Variants in DENND1A observed in about 807,000 individuals in gnomAD.
The protein encoded by DENND1A is DENN domain-containing protein 1A.
DENND1A carries 51 observed loss-of-function variants against 113.7 expected under a neutral mutation model. The observed-to-expected ratio is 0.45, with a 90% CI of 0.36 to 0.57. The LOEUF (loss-of-function observed/expected upper bound fraction) is 0.57, where lower values mean the gene tolerates loss of function less well. DENND1A is among the 20% of genes least tolerant of loss of function. DENND1A has a pLI of 0.00. For synonymous variants in DENND1A, 565 were observed against 570.8 expected, an observed-to-expected ratio of 0.99 and a Z score of 0.14; for missense variants, 1,258 against 1,395.9, an observed-to-expected ratio of 0.90 and a Z score of 1.57.
chr9:123,588,633 A>AAGGGGG (rs1554894950), intron 11 of DENND1A, among the ~76,000 whole-genome samples: 1 of 86,446 alleles, frequency 1.2e-5, no homozygotes, highest in Non-Finnish European at 2.3e-5. Flanking sequence ...AAAAAAAAAA[A>AAGGGGG]GGGGGGGGGG....
chr9:123,548,063 T>A (rs1307513868), intron 13 of DENND1A, among the ~76,000 whole-genome samples: 1 of 152,160 alleles, frequency 6.6e-6, no homozygotes, highest in Non-Finnish European at 1.5e-5. Context: ...TTCTAGTAGA[T>A]GACAGAACTA....
At chr9:123,612,385 C>G (rs1706053463) in intron 10 of DENND1A, among the ~76,000 whole-genome samples, 1 of 152,124 alleles carries the variant, frequency 6.6e-6, no homozygotes, top group African/African-American at 2.4e-5. Flanking sequence ...TCTTCTTTGT[C>G]TTTTTATTTT....
rs576512737 is a variant in DENND1A at position 123,490,246 on chromosome 9, T to C, written c.994-32349A>G. 3.9e-5 allele frequency among the ~76,000 whole-genome samples: 6 copies of C among 152,220 alleles called. 1 individual carries two copies. In the South Asian group the frequency reaches 1.0e-3, roughly 26 times the overall value. ...ATGCGACCCACTACATTCACAGAAG[T>C]AGAAAATCCTGAGCTGTACTCAAGT... On this transcript the variant is annotated intron_variant, in intron 13 of 23. Coordinates refer to ENST00000394215, the MANE Select transcript of DENND1A (RefSeq NM_001352964.2).
At chr9:123,506,530 C>G (rs1331497502) in intron 13 of DENND1A, among the ~76,000 whole-genome samples, 1 of 118,060 alleles carries the variant, frequency 8.5e-6, no homozygotes, top group East Asian at 2.7e-4. Flanking sequence ...TGCAGTGAGC[C>G]GAGATCGTGC....
intron 1 of DENND1A, among the ~76,000 whole-genome samples, chr9:123,884,939 T>C (rs1848798238): frequency 1.3e-5 from 2 of 152,012 alleles, no homozygotes; most frequent in Admixed American, 6.6e-5. Flanking sequence ...TCCTCTTCTC[T>C]AGGAAGTATT....
chr9:123,536,395 G>A lies in DENND1A; in HGVS notation c.993+21175C>T, dbSNP rs145129331. On this transcript the variant is annotated intron_variant, in intron 13 of 23. Transcript: ENST00000394215. Reference sequence around the variant, plus strand: ...TGAGGCAGGAGAATTGCTTGAACCCGGGAGGCAGAAGTTGCAGTGAGCTAA... The same window carrying A: ...TGAGGCAGGAGAATTGCTTGAACCCAGGAGGCAGAAGTTGCAGTGAGCTAA... 5.3e-5 allele frequency among the ~76,000 whole-genome samples: 8 copies of A among 151,708 alleles called. No homozygotes were observed. The East Asian group carries it at 9.7e-4, about 18-fold the overall frequency.
chr9:123,491,581 AAAG>A (rs1219236541), intron 13 of DENND1A, among the ~76,000 whole-genome samples: 5 of 152,288 alleles, frequency 3.3e-5, no homozygotes, highest in Admixed American at 2.6e-4. Context: ...TAGTCAACAG[AAAG>A]AAGAAGAAGG....
intron 13 of DENND1A, among the ~76,000 whole-genome samples, chr9:123,515,027 AC>A (rs2053785480): frequency 6.6e-6 from 1 of 152,210 alleles, no homozygotes; most frequent in African/African-American, 2.4e-5. Flanking sequence ...AGGCTACAAG[AC>A]AACTGGTCTG....
chr9:123,547,267 C>T (rs1197568875), intron 13 of DENND1A, among the ~76,000 whole-genome samples: 8 of 152,356 alleles, frequency 5.3e-5, no homozygotes, highest in East Asian at 3.9e-4. Flanking sequence ...TGGTGGCTCA[C>T]GCCTGTAATC....
In DENND1A at chr9:123,382,014, G is replaced by A. The variant is rs568745567; in HGVS notation, c.2631C>T (p.Ser877=). The change falls in exon 24 of 24, where the codon AGC becomes AGT. Residue 877 remains serine, a synonymous_variant. Coordinates refer to ENST00000394215, the MANE Select transcript of DENND1A (RefSeq NM_001352964.2). ...NVATPFTPQF[S]FPPAGTPTPF... ...GGGTGGGTGTCCCTGCAGGGGGGAA[G>A]CTGAATTGGGGGGTGAATGGGGTGG... The A allele has an allele frequency of 1.4e-6, 2 of 1,468,764 alleles. No homozygotes were observed. Among genetic ancestry groups the A allele is most frequent in the South Asian group, 2.8e-5 (2 of 70,348 alleles). 91.0% of individuals were successfully genotyped at this position (1,468,764 alleles called of 1,614,324 possible). A position where few individuals can be genotyped will look rare whatever the true frequency, so the allele number is the denominator to read the frequency against.
intron 1 of DENND1A, among the ~76,000 whole-genome samples, chr9:123,927,501 C>T (rs1004408019): frequency 6.6e-6 from 1 of 152,162 alleles, no homozygotes; most frequent in African/African-American, 2.4e-5. Context: ...GAGTTTTTAA[C>T]ATGGACCTGA....
At chr9:123,677,397 A>T (rs1466121004) in intron 5 of DENND1A, among the ~76,000 whole-genome samples, 1 of 152,122 alleles carries the variant, frequency 6.6e-6, no homozygotes, top group Admixed American at 6.5e-5. Context: ...TGCTGACCTC[A>T]GTCCTGTGGT....
intron 5 of DENND1A, among the ~76,000 whole-genome samples, chr9:123,712,472 T>A (rs1252323595): frequency 6.6e-6 from 1 of 152,246 alleles, no homozygotes; most frequent in Admixed American, 6.5e-5. Context: ...AAACTGGAGA[T>A]AACAGTAGTA....
chr9:123,547,397 C>T (rs964246635), intron 13 of DENND1A, among the ~76,000 whole-genome samples: 5 of 152,216 alleles, frequency 3.3e-5, no homozygotes, highest in East Asian at 1.9e-4. Flanking sequence ...GGCATGGTGG[C>T]GCATGCCTGT....
intron 13 of DENND1A, among the ~76,000 whole-genome samples, chr9:123,551,902 C>A (rs966735795): frequency 4.6e-5 from 7 of 150,934 alleles, no homozygotes; most frequent in African/African-American, 1.7e-4. Context: ...CCCCTTCCTT[C>A]TTCCTTCTGG....
intron 2 of DENND1A, among the ~76,000 whole-genome samples, chr9:123,798,821 CTTAAAT>C (rs1834172872): frequency 6.7e-6 from 1 of 149,012 alleles, no homozygotes; most frequent in South Asian, 2.1e-4. Flanking sequence ...TTCATTATTA[CTTAAAT>C]TTAAATATTT....
intron 3 of DENND1A, among the ~76,000 whole-genome samples, chr9:123,774,166 AT>A (rs2131703217): frequency 6.6e-6 from 1 of 152,270 alleles, no homozygotes; most frequent in African/African-American, 2.4e-5. Flanking sequence ...TTTTAATACC[AT>A]AAGGGAAATG....
At chr9:123,557,531 G>T in intron 13 of DENND1A, 39 bp downstream of exon 13, 2 of 1,609,694 alleles carry the variant, frequency 1.2e-6, no homozygotes, top group South Asian at 2.2e-5. Flanking sequence ...TCTCAGCCCT[G>T]ACCAAACACA....
chr9:123,626,770 G>T (rs1163186436), intron 10 of DENND1A, among the ~76,000 whole-genome samples: 1 of 152,136 alleles, frequency 6.6e-6, no homozygotes, highest in African/African-American at 2.4e-5. Flanking sequence ...CTGAGGAATG[G>T]GGCACCTAAG....
Sources: gnomAD v4.1 joint callset for allele counts (sites outside exome capture counted in the v4.1 genomes callset) on GRCh38, gnomAD v4.1.1 for gene constraint, MANE v1.5 for transcripts, NCBI Gene and HGNC (gene_info 2026-07-23, HGNC 2026-07-21) for gene names.